The following RYR2 variants were observed in gnomAD, a reference collection of about 807,000 sequenced individuals.
RYR2 encodes cardiac muscle ryanodine receptor-calcium release channel.
RYR2 carries 227 observed loss-of-function variants against 601.1 expected under a neutral mutation model. The ratio of observed to expected loss-of-function variants is 0.38; its 90% confidence interval spans 0.34 to 0.42. RYR2 has a LOEUF of 0.42. RYR2 is among the 10% of genes least tolerant of loss of function. The pLI is 1.00. For synonymous variants in RYR2, 2,223 were observed against 2,175.1 expected (o/e 1.02, Z -0.61); for missense variants, 4,646 against 6,156.5 (o/e 0.75, Z 8.21).
chr1:237,278,235 T>C (rs1690485386), intron 2 of RYR2, among the ~76,000 whole-genome samples: 1 of 144,618 alleles, frequency 6.9e-6, no homozygotes, highest in African/African-American at 2.5e-5. Context: ...TATGCCCAGC[T>C]AATTTTTGTA....
intron 27 of RYR2, among the ~76,000 whole-genome samples, chr1:237,563,667 C>A (rs1386248285): frequency 6.6e-6 from 1 of 151,906 alleles, no homozygotes; most frequent in Non-Finnish European, 1.5e-5. Context: ...TATTTTCATT[C>A]CCTATAGTAA....
chr1:237,372,433 T>A (rs529411231), intron 6 of RYR2, among the ~76,000 whole-genome samples: 1 of 152,354 alleles, frequency 6.6e-6, no homozygotes, highest in African/African-American at 2.4e-5. Context: ...AGCCATTTTT[T>A]AAATCAAATT....
chr1:237,796,033 C>T (rs12760444), intron 96 of RYR2, among the ~76,000 whole-genome samples: 14,005 of 150,206 alleles, frequency 0.093, 723 homozygotes, highest in African/African-American at 0.15. Flanking sequence ...TGTAAATGTA[C>T]ATATATATTT....
chr1:237,413,408 A>C (rs1159287654), intron 10 of RYR2, among the ~76,000 whole-genome samples: 1 of 152,198 alleles, frequency 6.6e-6, no homozygotes, highest in Non-Finnish European at 1.5e-5. Flanking sequence ...TTTTTATAAA[A>C]GATCATTGTT....
At chr1:237,498,569 T>C (rs1664308968) in intron 20 of RYR2, among the ~76,000 whole-genome samples, 1 of 151,754 alleles carries the variant, frequency 6.6e-6, no homozygotes, top group Non-Finnish European at 1.5e-5. Context: ...ACACAGAGAT[T>C]AGATGAAAAA....
chr1:237,213,338 C>G (rs1041688590), intron 1 of RYR2, among the ~76,000 whole-genome samples: 3 of 151,920 alleles, frequency 2.0e-5, no homozygotes, highest in African/African-American at 7.3e-5. Flanking sequence ...CCACCACACC[C>G]AGCTAATTTT....
chr1:237,562,424 A>G (rs1382582), intron 27 of RYR2, among the ~76,000 whole-genome samples: 44,061 of 152,124 alleles, frequency 0.29, 7,417 homozygotes, highest in Admixed American at 0.44. Flanking sequence ...CTCTAGTGGC[A>G]TATATTTTCT....
intron 2 of RYR2, among the ~76,000 whole-genome samples, chr1:237,292,986 A>C (rs1315075275): frequency 6.6e-6 from 1 of 151,910 alleles, no homozygotes; most frequent in Non-Finnish European, 1.5e-5. Flanking sequence ...GATGAAAAAA[A>C]AAAAGTCTTT....
chr1:237,220,681 A>T (rs2149136652), intron 1 of RYR2, among the ~76,000 whole-genome samples: 1 of 152,308 alleles, frequency 6.6e-6, no homozygotes, highest in Non-Finnish European at 1.5e-5. Flanking sequence ...ACCTTTTCAG[A>T]GTAGATTATT....
At chr1:237,767,823 C>A (rs931521335) in intron 84 of RYR2, among the ~76,000 whole-genome samples, 2 of 152,116 alleles carry the variant, frequency 1.3e-5, no homozygotes, top group African/African-American at 4.8e-5. Context: ...TGGCAAGATG[C>A]AGAATCGATC....
chr1:237,404,587 A>T (rs902527595), intron 10 of RYR2, among the ~76,000 whole-genome samples: 1 of 152,216 alleles, frequency 6.6e-6, no homozygotes, highest in African/African-American at 2.4e-5. Context: ...CACCCCAGCT[A>T]TACACATCCT....
At chr1:237,060,978 G>A (rs1157522590) in intron 1 of RYR2, among the ~76,000 whole-genome samples, 1 of 152,168 alleles carries the variant, frequency 6.6e-6, no homozygotes, top group African/African-American at 2.4e-5. Context: ...CTTTTCCAAA[G>A]TAGTTGACTC....
In RYR2 at chr1:237,717,094, A is replaced by G. The variant is rs1048470543; in HGVS notation, c.10324-104A>G. On this transcript the variant is annotated intron_variant, in intron 71 of 104. Coordinates refer to ENST00000366574, the MANE Select transcript of RYR2 (RefSeq NM_001035.3). ...AGGAGGATTTTCAAAACTAGGGAGC[A>G]GCAGAAAATGAGGAAGATGAAGTGA... The G allele has an allele frequency of 4.8e-5, 47 of 978,102 alleles. No homozygotes were observed. The South Asian group carries it at 5.3e-4, about 11-fold the overall frequency. The allele number at this position is 978,102 out of a possible 1,614,324, so 60.6% of individuals were successfully genotyped here. A position where few individuals can be genotyped will look rare whatever the true frequency, so the allele number is the denominator to read the frequency against.
intron 1 of RYR2, among the ~76,000 whole-genome samples, chr1:237,165,967 G>C (rs1461652057): frequency 6.6e-6 from 1 of 152,156 alleles, no homozygotes; most frequent in Non-Finnish European, 1.5e-5. Flanking sequence ...CTGCACTCCA[G>C]CCTGAGTGAC....
chr1:237,595,632 G>T lies in RYR2; in HGVS notation c.4571G>T (p.Gly1524Val). ...GGGCTGCTCACATTCATTGCCAATG[G>T]CAAGGAACTGAGCACATACTATCAG... ...ASGLLTFIAN[G>V]KELSTYYQVE... The change falls in exon 34 of 105, where the codon GGC (glycine) becomes GTC (valine). Residue 1524 changes from glycine to valine, a missense_variant. This residue lies in a region of RYR2 where 1,807 missense variants were observed against 2,088.1 expected (regional missense o/e 0.87). Transcript: ENST00000366574. 3 of 1,613,232 alleles carry T rather than the reference G, an allele frequency of 1.9e-6. No homozygotes were observed.
At chr1:237,162,519 G>C (rs896201543) in intron 1 of RYR2, among the ~76,000 whole-genome samples, 2 of 151,836 alleles carry the variant, frequency 1.3e-5, no homozygotes, top group Admixed American at 6.6e-5. Flanking sequence ...AATTGGTTTT[G>C]CAATCCAAAT....
chr1:237,352,569 T>C (rs1162800716), intron 3 of RYR2, among the ~76,000 whole-genome samples: 1 of 152,130 alleles, frequency 6.6e-6, no homozygotes, highest in Non-Finnish European at 1.5e-5. Flanking sequence ...TCCCAGCAGG[T>C]TTTCTTTTAG....
intron 35 of RYR2, among the ~76,000 whole-genome samples, chr1:237,602,877 A>C (rs1676664160): frequency 6.6e-6 from 1 of 152,256 alleles, no homozygotes; most frequent in Admixed American, 6.5e-5. Flanking sequence ...GGAGGTGGGC[A>C]AGAATGAGAA....
At chr1:237,165,764 G>A (rs1676637856) in intron 1 of RYR2, among the ~76,000 whole-genome samples, 1 of 152,124 alleles carries the variant, frequency 6.6e-6, no homozygotes, top group Admixed American at 6.5e-5. Flanking sequence ...CTACTTGAGA[G>A]GCTGAGGCGG....
Sources: gnomAD v4.1 joint callset for allele counts (sites outside exome capture counted in the v4.1 genomes callset) on GRCh38, gnomAD v4.1.1 for gene constraint, gnomAD v4.1.1 regional missense constraint, MANE v1.5 for transcripts, NCBI Gene and HGNC (gene_info 2026-07-23, HGNC 2026-07-21) for gene names.